The following CHD1 variants were observed in gnomAD, a reference collection of about 807,000 sequenced individuals.
The protein encoded by CHD1 is chromodomain helicase DNA binding protein 1, also known as ATP-dependent chromatin remodeler CHD1.
CHD1 carries 36 observed loss-of-function variants against 224.2 expected under a neutral mutation model. The ratio of observed to expected loss-of-function variants is 0.16; its 90% CI spans 0.12 to 0.21. The LOEUF (loss-of-function observed/expected upper bound fraction) is 0.21, where lower values mean the gene tolerates loss of function less well. CHD1 is among the 10% of genes least tolerant of loss of function. The pLI is 1.00. For missense variants in CHD1, 1,378 were observed against 1,994.8 expected (o/e 0.69, Z 5.89); for synonymous variants, 668 against 658.3 (o/e 1.01, Z -0.23).
intron 28 of CHD1, among the ~76,000 whole-genome samples, chr5:98,871,292 C>G (rs1749312294): frequency 8.1e-6 from 1 of 123,042 alleles, no homozygotes; most frequent in Non-Finnish European, 1.6e-5. Context: ...TAACAAATGA[C>G]AAAGCACCAA....
chr5:98,870,828 G>C, intron 28 of CHD1, 25 bp from the exon 29 acceptor site: 1 of 1,453,134 alleles, frequency 6.9e-7, no homozygotes, highest in Non-Finnish European at 9.6e-7. Context: ...AATTTTTTCA[G>C]ATTGTCTTAA....
At chr5:98,905,602 C>T (rs781466007) in intron 2 of CHD1, among the ~76,000 whole-genome samples, 3 of 152,188 alleles carry the variant, frequency 2.0e-5, no homozygotes, top group Non-Finnish European at 2.9e-5. Context: ...TCTATCACTC[C>T]AGGAGAACAT....
intron 25 of CHD1, 61 bp downstream of exon 25, chr5:98,875,010 TA>T (rs1749646735): frequency 1.2e-6 from 1 of 849,708 alleles, no homozygotes; most frequent in Non-Finnish European, 1.9e-6. Flanking sequence ...TTAATACAAA[TA>T]AATAAAGGTG....
intron 17 of CHD1, 95 bp downstream of exon 17, chr5:98,887,993 A>C: frequency 1.3e-6 from 1 of 748,276 alleles, no homozygotes; most frequent in South Asian, 3.2e-5. Context: ...TTTATATAAA[A>C]ACCTAAACAC....
intron 20 of CHD1, among the ~76,000 whole-genome samples, chr5:98,881,767 AAG>A (rs1267771636): frequency 6.6e-6 from 1 of 152,176 alleles, no homozygotes; most frequent in Admixed American, 6.5e-5. Flanking sequence ...ATAGAAGTGA[AAG>A]AGATTACCCC....
At chr5:98,908,370 C>G (rs921599313) in intron 2 of CHD1, among the ~76,000 whole-genome samples, 4 of 152,164 alleles carry the variant, frequency 2.6e-5, no homozygotes, top group Non-Finnish European at 5.9e-5. Flanking sequence ...CCCAAAACTT[C>G]TGGAATATAT....
intron 11 of CHD1, 72 bp from the exon 12 acceptor site, chr5:98,896,514 GTA>G (rs1561522707): frequency 9.9e-7 from 1 of 1,008,164 alleles, no homozygotes; most frequent in East Asian, 2.4e-5. Context: ...TACATCATGT[GTA>G]TATGTTTTTA....
At chr5:98,878,192 G>C (rs931832071) in intron 23 of CHD1, among the ~76,000 whole-genome samples, 2 of 152,194 alleles carry the variant, frequency 1.3e-5, no homozygotes, top group Non-Finnish European at 2.9e-5. Flanking sequence ...ACTTCCACCA[G>C]GTGCTCATGA....
chr5:98,870,738 G>A lies in CHD1; in HGVS notation c.3927C>T (p.Leu1309=). Residue 1309 remains leucine (L), a synonymous_variant, in exon 29 of 36, where the codon CTC becomes CTT. Coordinates refer to ENST00000614616, the MANE Select transcript of CHD1 (RefSeq NM_001270.4). ...CAAGATCTCTACTAAGTAATTTGAT[G>A]AGGTAGTCTGCACGGGTCTGCAACT... ...AKQLQTRADY[L]IKLLSRDLAK... 2 of 1,611,870 alleles carry A rather than the reference G, an allele frequency of 1.2e-6. No individual in the cohort carries two copies. The highest frequency in any genetic ancestry group is 8.5e-7 in the Non-Finnish European group (1 of 1,178,890).
intron 17 of CHD1, chr5:98,885,852 G>A: frequency 1.9e-6 from 1 of 516,504 alleles, no homozygotes; most frequent in Non-Finnish European, 3.4e-6. Context: ...ACCCTCAAGA[G>A]TAAATACAGC....
intron 2 of CHD1, among the ~76,000 whole-genome samples, chr5:98,923,870 C>T (rs1433110126): frequency 6.6e-6 from 1 of 152,204 alleles, no homozygotes; most frequent in Non-Finnish European, 1.5e-5. Flanking sequence ...AAGATTTACT[C>T]TCGAGTCTTA....
At chr5:98,918,100 C>CAGGCTGGAGTGCCGTG (rs1289855906) in intron 2 of CHD1, among the ~76,000 whole-genome samples, 1 of 151,124 alleles carries the variant, frequency 6.6e-6, no homozygotes, top group Non-Finnish European at 1.5e-5. Flanking sequence ...CTCTGTCGCC[C>CAGGCTGGAGTGCCGTG]AGGCTGGAGT....
At position 98,863,422 on chromosome 5, in the gene CHD1, A is replaced by C. The variant is rs1285612526; in HGVS notation, c.4413T>G (p.Ile1471Met). The C allele has an allele frequency of 6.5e-7, 1 of 1,549,832 alleles. No individual in the cohort carries two copies. Among genetic ancestry groups the C allele is most frequent in the South Asian group, 1.2e-5 (1 of 80,522 alleles). The change falls in exon 32 of 36, where the codon ATT (isoleucine) becomes ATG (methionine). Residue 1471 changes from isoleucine (I) to methionine (M), a missense_variant. Around this residue, in one of 16 missense-constraint regions of CHD1, gnomAD observed 278 missense variants for 298.5 expected, o/e 0.93. Transcript: ENST00000614616. ...GTATCACTTACTTTCTCCATTGCTT[A>C]ATTTGTTCAGGATTTGTATACTCTT... ...CLKEYTNPEQ[I>M]KQWRKNLWIF...
intron 30 of CHD1, 133 bp downstream of exon 30, chr5:98,869,621 C>T (rs944601674): frequency 5.5e-5 from 45 of 821,594 alleles, no homozygotes; most frequent in Admixed American, 1.3e-4. Flanking sequence ...CACGTGCGCG[C>T]GCACACACAC....
rs780950818 is a variant in CHD1, at chr5:98,902,928, TTGA to T, written c.406_408del (p.Ser137del). The T allele has an allele frequency of 3.1e-6, 5 of 1,607,134 alleles. No homozygotes were observed. In the African/African-American group the frequency reaches 6.7e-5, roughly 21 times the overall value. ...TTATGCTTTTTCCTTTTGACCTCAC[TTGA>T]TGAGTCATCGGAATCTTCACTGCTA... On this transcript the variant is annotated inframe_deletion, in exon 5 of 36. Coordinates refer to ENST00000614616, the MANE Select transcript of CHD1 (RefSeq NM_001270.4).
At chr5:98,884,384 T>G (rs1338280699) in intron 18 of CHD1, among the ~76,000 whole-genome samples, 4 of 152,084 alleles carry the variant, frequency 2.6e-5, no homozygotes, top group Non-Finnish European at 4.4e-5. Flanking sequence ...TGGAGACTAC[T>G]ATTCTGAGTG....
chr5:98,873,452 C>A, intron 26 of CHD1, 141 bp downstream of exon 26: 1 of 605,632 alleles, frequency 1.7e-6, no homozygotes, highest in Admixed American at 4.2e-5. Context: ...TTCCTATTAC[C>A]CAGAATAGCT....
chr5:98,897,075 A>C, intron 11 of CHD1, 118 bp downstream of exon 11: 1 of 882,114 alleles, frequency 1.1e-6, no homozygotes, highest in Non-Finnish European at 1.8e-6. Flanking sequence ...AAATACAAAG[A>C]CTAGCATATA....
rs532254754 is a variant in CHD1, at chr5:98,870,916, T to C, written c.3862-113A>G. On this transcript the variant is annotated intron_variant, in intron 28 of 35. Transcript: ENST00000614616. ...TATATAGTTCACCAACAAGTTTCAA[T>C]TATTAATATTTGTAGGAATAAACTC... 45 of 509,404 alleles carry C rather than the reference T, an allele frequency of 8.8e-5. 1 individual carries two copies. In the South Asian group the frequency reaches 1.9e-3, roughly 22 times the overall value. 31.6% of individuals were successfully genotyped at this position (509,404 alleles called of 1,614,324 possible).
Sources: gnomAD v4.1 joint callset for allele counts (sites outside exome capture counted in the v4.1 genomes callset) on GRCh38, gnomAD v4.1.1 for gene constraint, gnomAD v4.1.1 regional missense constraint, MANE v1.5 for transcripts, NCBI Gene and HGNC (gene_info 2026-07-23, HGNC 2026-07-21) for gene names.